Variants in ZNF638 observed in about 807,000 individuals in gnomAD.
The protein encoded by ZNF638 is CTCL tumor antigen se33-1.
In ZNF638, 46 loss-of-function variants were observed where a neutral mutation model predicts 195.6. The ratio of observed to expected loss-of-function variants is 0.24; its 90% CI spans 0.19 to 0.30. The LOEUF is 0.30. Among genes scored for constraint, ZNF638 ranks in the 10% least tolerant of loss-of-function variants. ZNF638 has a pLI of 1.00. For missense variants in ZNF638, 2,440 were observed against 2,325.3 expected (o/e 1.05, Z -1.01); for synonymous variants, 845 against 772.0 (o/e 1.09, Z -1.57).
chr2:71,400,087 T>C (rs144513841), intron 13 of ZNF638, 25 bp from the exon 14 acceptor site: 20,298 of 1,570,010 alleles, frequency 0.013, 292 homozygotes, highest in Non-Finnish European at 0.012. Context: ...TTTACTAGAC[T>C]ATTAAAGCAG....
At position 71,396,141 on chromosome 2, in the gene ZNF638, C is replaced by T. The variant is rs370091272; in HGVS notation, c.2378C>T (p.Ala793Val). ...AVEIVTSTSA[A>V]KTGQAKASVA... ...TTAAATGTTTTTCTTGTTGTTTTAG[C>T]CAAAACTGGACAAGCCAAGGCATCT... The change falls in exon 11 of 28, where the codon GCC (alanine) becomes GTC (valine). Residue 793 changes from alanine (A) to valine (V), a missense_variant and splice_region_variant. Ala to Val is a moderately conservative substitution (Grantham distance 64). Coordinates refer to ENST00000264447, the MANE Select transcript of ZNF638 (RefSeq NM_014497.5). The T allele has an allele frequency of 6.2e-7, 1 of 1,612,384 alleles. No homozygotes were observed. The highest frequency in any genetic ancestry group is 1.1e-5 in the South Asian group (1 of 90,556).
rs985521425 is a variant in ZNF638, at chr2:71,331,782, G to A, written c.-296G>A. 3 of 986,006 alleles carry A rather than the reference G, an allele frequency of 3.0e-6. No individual in the cohort carries two copies. Among genetic ancestry groups the A allele is most frequent in the East Asian group, 1.1e-4 (1 of 8,804 alleles). The allele number at this position is 986,006 out of a possible 1,614,324, so 61.1% of individuals were successfully genotyped here. On this transcript the variant is annotated 5_prime_UTR_variant, in exon 1 of 28. Transcript: ENST00000264447. Reference sequence around the variant, plus strand: ...GAGGCGCGCATGCGTGCAGCTCTTTGGAGGCGGTAGCGTTTTCGGCGTCGA... The same window carrying A: ...GAGGCGCGCATGCGTGCAGCTCTTTAGAGGCGGTAGCGTTTTCGGCGTCGA...
chr2:71,353,009 A>G (rs1258033657), intron 2 of ZNF638, among the ~76,000 whole-genome samples: 1 of 152,190 alleles, frequency 6.6e-6, no homozygotes, highest in Non-Finnish European at 1.5e-5. Flanking sequence ...GCCAAATGAT[A>G]GGGATTTGTG....
At chr2:71,339,069 C>G (rs1163977231) in intron 1 of ZNF638, among the ~76,000 whole-genome samples, 2 of 151,502 alleles carry the variant, frequency 1.3e-5, no homozygotes, top group Admixed American at 6.6e-5. Flanking sequence ...TTGTTTAACA[C>G]AAAAGATGGC....
chr2:71,366,331 G>A lies in ZNF638; in HGVS notation c.1995+625G>A, dbSNP rs1573056389. ...GCTGAGGTCACACCACTGCACTCCA[G>A]CCTGAACTACAGAAGGAAGACCCTG... On this transcript the variant is annotated intron_variant, in intron 6 of 27. Transcript: ENST00000264447. Among the ~76,000 whole-genome samples the A allele has an allele frequency of 4.0e-5, 6 of 151,140 alleles. No individual in the cohort carries two copies. The South Asian group carries it at 8.3e-4, about 21-fold the overall frequency.
At chr2:71,428,046 G>C (rs970834170) in intron 24 of ZNF638, among the ~76,000 whole-genome samples, 1 of 152,092 alleles carries the variant, frequency 6.6e-6, no homozygotes, top group African/African-American at 2.4e-5. Flanking sequence ...TAAAAAATGA[G>C]CCAGGCACGG....
intron 18 of ZNF638, 86 bp from the exon 19 acceptor site, chr2:71,406,042 C>T: frequency 6.7e-7 from 1 of 1,496,202 alleles, no homozygotes; most frequent in Non-Finnish European, 9.2e-7. Flanking sequence ...CATCTGACCT[C>T]TGTAATAGTA....
intron 20 of ZNF638, among the ~76,000 whole-genome samples, chr2:71,411,516 G>A (rs1470397532): frequency 9.6e-6 from 1 of 104,230 alleles, no homozygotes; most frequent in Non-Finnish European, 1.9e-5. Context: ...GGGTACATGT[G>A]CACATTGTGC....
chr2:71,403,872 A>G lies in ZNF638; in HGVS notation c.2832A>G (p.Ala944=). ...DILILSSHKK[A]YIEINRKAAE... is the part of the protein sequence containing the mutation. ...TACCTTAATTTCTGTTTTAAAAGGC[A>G]TATATAGAAATAAATAGAAAAGCTG... is the stretch of plus-strand genomic sequence containing the variant. Residue 944 remains alanine, a splice_region_variant and synonymous_variant, in exon 17 of 28, where the codon GCA becomes GCG. Transcript: ENST00000264447. The G allele has an allele frequency of 4.5e-6, 7 of 1,560,954 alleles. No homozygotes were observed. Among genetic ancestry groups the G allele is most frequent in the Non-Finnish European group, 4.4e-6 (5 of 1,146,104 alleles).
chr2:71,365,254 T>G (rs760923917), intron 5 of ZNF638, among the ~76,000 whole-genome samples, 175 bp from the exon 6 acceptor site: 1 of 152,098 alleles, frequency 6.6e-6, no homozygotes, highest in Non-Finnish European at 1.5e-5. Context: ...GGATCACTGG[T>G]ATAAGGGAAT....
chr2:71,372,133 A>G (rs1411661984), intron 8 of ZNF638, among the ~76,000 whole-genome samples: 2 of 152,134 alleles, frequency 1.3e-5, no homozygotes, highest in Non-Finnish European at 2.9e-5. Context: ...ATGGATATCC[A>G]GTTTTCCCAG....
chr2:71,368,515 C>A lies in ZNF638; in HGVS notation c.2129C>A (p.Pro710Gln). 6.2e-7 allele frequency: 1 copy of A among 1,611,688 alleles called. No homozygotes were observed. Among genetic ancestry groups the A allele is most frequent in the Non-Finnish European group, 8.5e-7 (1 of 1,179,286 alleles). ...FGKVNDVLIV[P>Q]YRKEAYLEME... ...AAAGTGAATGATGTCCTAATTGTTC[C>A]ATATAGAAAAGAGGTGAGTCATTTA... Residue 710 changes from proline (P) to glutamine (Q), a missense_variant, in exon 7 of 28, where the codon CCA (proline) becomes CAA (glutamine). Coordinates refer to ENST00000264447, the MANE Select transcript of ZNF638 (RefSeq NM_014497.5).
chr2:71,363,438 T>G (rs1312861297), intron 4 of ZNF638, among the ~76,000 whole-genome samples: 1 of 112,790 alleles, frequency 8.9e-6, no homozygotes, highest in African/African-American at 2.6e-5. Context: ...TATGACATCT[T>G]CTCTTGTAAA....
intron 21 of ZNF638, among the ~76,000 whole-genome samples, chr2:71,421,295 G>T (rs2419077): frequency 0.34 from 51,039 of 151,654 alleles, 10,046 homozygotes; most frequent in African/African-American, 0.56. Context: ...AAATTTTATT[G>T]TGAATTGTAA....
At chr2:71,407,787 G>A (rs1306827936) in intron 19 of ZNF638, 1 of 164,752 alleles carries the variant, frequency 6.1e-6, no homozygotes, top group Non-Finnish European at 1.3e-5. Context: ...GCTTTTTTGT[G>A]ACTGGCTCAT....
intron 10 of ZNF638, among the ~76,000 whole-genome samples, chr2:71,386,033 TATG>T (rs1244223290): frequency 6.6e-6 from 1 of 152,156 alleles, no homozygotes; most frequent in Non-Finnish European, 1.5e-5. Flanking sequence ...AAAAAGAACA[TATG>T]ATCCTTTCCA....
In ZNF638 at chr2:71,364,216, C is replaced by T. The variant is rs758846065; in HGVS notation, c.1681C>T (p.Pro561Ser). The change falls in exon 5 of 28, where the codon CCT becomes TCT. Residue 561 changes from proline to serine, a missense_variant. Physicochemically the swap from Pro to Ser is moderately conservative, Grantham distance 74. This residue lies in a region of ZNF638 where 1,883 missense variants were observed against 1,739.1 expected (regional missense o/e 1.08). Coordinates refer to ENST00000264447, the MANE Select transcript of ZNF638 (RefSeq NM_014497.5). ...GSPKCFRSVSPERMSRRSVRS... is the reference protein window; with the variant it reads ...GSPKCFRSVSSERMSRRSVRS... ...TCCAAAATGCTTTCGATCAGTTAGC[C>T]CTGAGAGGATGTCAAGGAGATCAGT... is the stretch of plus-strand genomic sequence containing the variant. The T allele has an allele frequency of 1.9e-6, 3 of 1,613,986 alleles. No individual in the cohort carries two copies. The African/African-American group carries it at 4.0e-5, about 22-fold the overall frequency.
chr2:71,354,114 G>A (rs1334507719), intron 2 of ZNF638, among the ~76,000 whole-genome samples: 1 of 152,188 alleles, frequency 6.6e-6, no homozygotes, highest in Non-Finnish European at 1.5e-5. Context: ...CAAAATTATT[G>A]TCAACCGTGG....
chr2:71,402,029 A>G lies in ZNF638; in HGVS notation c.2771A>G (p.Asp924Gly). The change falls in exon 16 of 28, where the codon GAC (aspartate) becomes GGC (glycine). Residue 924 changes from aspartate to glycine, a missense_variant. This residue lies in a region of ZNF638 where 1,883 missense variants were observed against 1,739.1 expected (regional missense o/e 1.08). Transcript: ENST00000264447. ...GGATATTCTGTAGAAGAAGTTTATG[A>G]CTTAGCAAAACCATTTGGTGGTTTA... Reference protein sequence around the residue: ...NKGYSVEEVYDLAKPFGGLKD... With the variant: ...NKGYSVEEVYGLAKPFGGLKD... 6.2e-7 allele frequency: 1 copy of G among 1,608,756 alleles called. No individual in the cohort carries two copies. The highest frequency in any genetic ancestry group is 8.5e-7 in the Non-Finnish European group (1 of 1,177,142).
Sources: gnomAD v4.1 joint callset for allele counts (sites outside exome capture counted in the v4.1 genomes callset) on GRCh38, gnomAD v4.1.1 for gene constraint, gnomAD v4.1.1 regional missense constraint, MANE v1.5 for transcripts, NCBI Gene and HGNC (gene_info 2026-07-23, HGNC 2026-07-21) for gene names.